Variants in AGL observed in about 807,000 individuals in gnomAD.
AGL encodes the protein amylo-alpha-1,6-glucosidase and 4-alpha-glucanotransferase, also known as glycogen debranching enzyme.
AGL carries 128 observed loss-of-function variants against 199.3 expected under a neutral mutation model. The ratio of observed to expected loss-of-function variants is 0.64; its 90% confidence interval spans 0.56 to 0.74. The LOEUF is 0.74. AGL is among the 30% of genes least tolerant of loss of function. The pLI is 0.00. For missense variants in AGL, 1,809 were observed against 1,820.8 expected (o/e 0.99, Z 0.12); for synonymous variants, 584 against 594.7 (o/e 0.98, Z 0.26).
chr1:99,893,378 T>A (rs1427867029), intron 24 of AGL, among the ~76,000 whole-genome samples: 1 of 152,222 alleles, frequency 6.6e-6, no homozygotes, highest in African/African-American at 2.4e-5. Context: ...AAAATGTTCA[T>A]GAAACATTCA....
rs1029944379 is a variant in AGL, at chr1:99,881,094, G to T, written c.1918G>T (p.Ala640Ser). 15 of 1,613,840 alleles carry T rather than the reference G, an allele frequency of 9.3e-6. No individual in the cohort carries two copies. The highest frequency in any genetic ancestry group is 1.3e-5 in the Non-Finnish European group (15 of 1,179,858). ...CPIVHRSAYD[A>S]LPSTTIVSMA... ...CTTCTAGCATAGATCAGCGTATGAT[G>T]CTCTTCCAAGTACTACAATTGTTTC... Residue 640 changes from alanine to serine, a missense_variant, in exon 15 of 34, where the codon GCT (alanine) becomes TCT (serine). Transcript: ENST00000361915.
At chr1:99,886,716 GTTGTT>G (rs1387976914) in intron 20 of AGL, among the ~76,000 whole-genome samples, 1 of 152,140 alleles carries the variant, frequency 6.6e-6, no homozygotes, top group Non-Finnish European at 1.5e-5. Flanking sequence ...TTGTTGAAGT[GTTGTT>G]TTATGTATTA....
chr1:99,894,328 T>C (rs1377357593), intron 24 of AGL, among the ~76,000 whole-genome samples: 2 of 152,232 alleles, frequency 1.3e-5, no homozygotes, highest in African/African-American at 4.8e-5. Flanking sequence ...AGAGATTTTA[T>C]AGTTTTGACT....
In AGL at chr1:99,876,513, C is replaced by G. The variant is rs1651545752; in HGVS notation, c.1339C>G (p.His447Asp). The G allele has an allele frequency of 6.2e-7, 1 of 1,612,436 alleles. No homozygotes were observed. The highest frequency in any genetic ancestry group is 8.5e-7 in the Non-Finnish European group (1 of 1,178,662). The change falls in exon 11 of 34, where the codon CAT (histidine) becomes GAT (aspartate). Residue 447 changes from histidine to aspartate, a missense_variant. Coordinates refer to ENST00000361915, the MANE Select transcript of AGL (RefSeq NM_000642.3). ...CTTCTCCATGGAAGAATCTATGATTCATCTGCCAAATAAAGCTTGTTTTCT... is the reference window on the plus strand; with the variant it reads ...CTTCTCCATGGAAGAATCTATGATTGATCTGCCAAATAAAGCTTGTTTTCT... ...IDFSMEESMI[H>D]LPNKACFLMA...
At position 99,881,449 on chromosome 1, in the gene AGL, C is replaced by T; in HGVS notation, c.2157+2C>T. 6.2e-7 allele frequency: 1 copy of T among 1,613,994 alleles called. No homozygotes were observed. On this transcript the variant is annotated splice_donor_variant, in intron 16 of 33. Transcript: ENST00000361915. LOFTEE classifies it low-confidence loss of function (GC_TO_GT_DONOR). ...CTTGGAGCCAAGGGTTTTATTCAGG[C>T]AAGAAATAATTAAATTTGTTTCTTC...
intron 33 of AGL, among the ~76,000 whole-genome samples, chr1:99,920,645 A>G (rs1174390001): frequency 2.0e-5 from 3 of 152,150 alleles, no homozygotes; most frequent in Admixed American, 2.0e-4. Context: ...TATCCAAAAT[A>G]CCCTGTTTTA....
At chr1:99,903,284 C>T (rs970144586) in intron 27 of AGL, among the ~76,000 whole-genome samples, 73 of 152,256 alleles carry the variant, frequency 4.8e-4, no homozygotes, top group Non-Finnish European at 7.8e-4. Context: ...ATCCCTCCCC[C>T]ATCCCCCCAC....
At chr1:99,918,235 A>T (rs997566793) in intron 33 of AGL, among the ~76,000 whole-genome samples, 1 of 152,136 alleles carries the variant, frequency 6.6e-6, no homozygotes, top group Non-Finnish European at 1.5e-5. Flanking sequence ...AATCTGCATC[A>T]TTTTTATGTC....
At chr1:99,916,537 A>C in intron 32 of AGL, 40 bp downstream of exon 32, 1 of 1,605,964 alleles carries the variant, frequency 6.2e-7, no homozygotes. Flanking sequence ...AGTTTAAATT[A>C]TTTTTCAAGT....
intron 20 of AGL, among the ~76,000 whole-genome samples, chr1:99,887,737 A>C (rs552867495): frequency 6.6e-6 from 1 of 152,116 alleles, no homozygotes; most frequent in Non-Finnish European, 1.5e-5. Flanking sequence ...AATCAATACA[A>C]TTTGGTACTT....
Position 99,921,898 on chromosome 1 carries a change from G to T in AGL, c.*247G>T, listed in dbSNP as rs1159470326. ...TGAGTTCAGTAAGAATTATTCAAAT[G>T]CCTAGAAATCCATAGTTTGGAAAAG... On this transcript the variant is annotated 3_prime_UTR_variant, in exon 34 of 34. Transcript: ENST00000361915. 7 of 294,868 alleles carry T rather than the reference G, an allele frequency of 2.4e-5. No individual in the cohort carries two copies. The highest frequency in any genetic ancestry group is 3.1e-5 in the Non-Finnish European group (5 of 161,372). The allele number at this position is 294,868 out of a possible 1,614,324, so 18.3% of individuals were successfully genotyped here. A position where few individuals can be genotyped will look rare whatever the true frequency, so the allele number is the denominator to read the frequency against.
chr1:99,880,775 GATA>G lies in AGL; in HGVS notation c.1882_1884del (p.Asn628del). Reference sequence around the variant, plus strand: ...TGCCCTGTTTATGGATATTACGCATGATAATGAGTGTCCTATTGTGGTAAGCAC... The same window carrying G: ...TGCCCTGTTTATGGATATTACGCATGATGAGTGTCCTATTGTGGTAAGCAC... On this transcript the variant is annotated inframe_deletion, in exon 14 of 34. Coordinates refer to ENST00000361915, the MANE Select transcript of AGL (RefSeq NM_000642.3). The G allele has an allele frequency of 6.2e-7, 1 of 1,613,946 alleles. No individual in the cohort carries two copies. The highest frequency in any genetic ancestry group is 8.5e-7 in the Non-Finnish European group (1 of 1,179,912).
At chr1:99,900,385 A>G (rs1451170765) in intron 25 of AGL, among the ~76,000 whole-genome samples, 1 of 152,218 alleles carries the variant, frequency 6.6e-6, no homozygotes, top group Non-Finnish European at 1.5e-5. Context: ...GTCCAATCTC[A>G]AATGAAAAAA....
chr1:99,919,698 T>C (rs895305579), intron 33 of AGL, among the ~76,000 whole-genome samples: 2 of 152,196 alleles, frequency 1.3e-5, no homozygotes, highest in Non-Finnish European at 2.9e-5. Flanking sequence ...TCTATTTTTC[T>C]CCCTTTCTAT....
In AGL at chr1:99,876,933, C is replaced by A. The variant is rs565810959; in HGVS notation, c.1423+336C>A. Among the ~76,000 whole-genome samples the A allele has an allele frequency of 2.0e-5, 3 of 152,288 alleles. No individual in the cohort carries two copies. In the South Asian group the frequency reaches 6.2e-4, roughly 32 times the overall value. ...GACAAGTTTGAAACCACTGCTATTA[C>A]AATTACATTGACATAAGAGATATTT... is the stretch of plus-strand genomic sequence containing the variant. On this transcript the variant is annotated intron_variant, in intron 11 of 33. Transcript: ENST00000361915.
chr1:99,864,460 T>C lies in AGL; in HGVS notation c.535T>C (p.Leu179=). ...SRSCYSLANQ[L]ELNPDFSRPN... ...GTCATGCTACTCCCTTGCCAATCAG[T>C]TAGAATTAAATCCTGACTTTTCAAG... The change falls in exon 5 of 34, where the codon TTA becomes CTA. Residue 179 remains leucine, a synonymous_variant. Coordinates refer to ENST00000361915, the MANE Select transcript of AGL (RefSeq NM_000642.3). 6.2e-7 allele frequency: 1 copy of C among 1,613,874 alleles called. No homozygotes were observed. Among genetic ancestry groups the C allele is most frequent in the South Asian group, 1.1e-5 (1 of 91,078 alleles).
At chr1:99,906,371 CTTTT>C (rs758550855) in intron 27 of AGL, among the ~76,000 whole-genome samples, 1 of 151,938 alleles carries the variant, frequency 6.6e-6, no homozygotes, top group Non-Finnish European at 1.5e-5. Flanking sequence ...CTTTTTTTGT[CTTTT>C]TTGTGATAAA....
chr1:99,887,871 T>C, intron 20 of AGL, 107 bp from the exon 21 acceptor site: 1 of 1,291,350 alleles, frequency 7.7e-7, no homozygotes, highest in South Asian at 1.2e-5. Context: ...TCCTAAAACA[T>C]ACACTGCTAA....
In AGL at chr1:99,874,718, C is replaced by G; in HGVS notation, c.990C>G (p.Asn330Lys). Reference protein sequence around the residue: ...ENRRVTKSDPNQHLTIIQDPE... With the variant: ...ENRRVTKSDPKQHLTIIQDPE... The stretch of plus-strand genomic sequence containing the variant: ...GGCGAGTAACCAAGTCTGATCCAAA[C>G]CAACACCTTACGATTATTCAAGATC... The change falls in exon 8 of 34, where the codon AAC becomes AAG. Residue 330 changes from asparagine to lysine, a missense_variant. Coordinates refer to ENST00000361915, the MANE Select transcript of AGL (RefSeq NM_000642.3). The G allele has an allele frequency of 6.3e-7, 1 of 1,598,112 alleles. No homozygotes were observed. The highest frequency in any genetic ancestry group is 8.5e-7 in the Non-Finnish European group (1 of 1,170,220).
Sources: gnomAD v4.1 joint callset for allele counts (sites outside exome capture counted in the v4.1 genomes callset) on GRCh38, gnomAD v4.1.1 for gene constraint, MANE v1.5 for transcripts, NCBI Gene and HGNC (gene_info 2026-07-23, HGNC 2026-07-21) for gene names.